DHRSX: variants seen among roughly 807,000 people sequenced by gnomAD.
DHRSX encodes the protein polyprenol dehydrogenase.
Under a neutral mutation model 34.0 loss-of-function variants are expected in DHRSX, and 31 were observed. The ratio of observed to expected loss-of-function variants is 0.91; its 90% confidence interval spans 0.69 to 1.23. The LOEUF (loss-of-function observed/expected upper bound fraction) is 1.23, where lower values mean the gene tolerates loss of function less well. Ranked by LOEUF, DHRSX falls within the 50% of genes most tolerant of loss-of-function variation. DHRSX has a pLI of 0.00. For synonymous variants in DHRSX, 201 were observed against 183.8 expected, an observed-to-expected ratio of 1.09 and a Z score of -0.76; for missense variants, 414 against 428.1, an observed-to-expected ratio of 0.97 and a Z score of 0.29.
intron 3 of DHRSX, among the ~76,000 whole-genome samples, chrX:2,378,734 G>A (rs957660489): frequency 7.3e-5 from 11 of 151,542 alleles, no homozygotes; most frequent in African/African-American, 2.4e-4. Flanking sequence ...GCAGTGGTGC[G>A]ATCTCGGCTC....
chrX:2,448,079 T>C (rs2044162700), intron 1 of DHRSX, among the ~76,000 whole-genome samples: 1 of 151,088 alleles, frequency 6.6e-6, no homozygotes, highest in Non-Finnish European at 1.5e-5. Flanking sequence ...GGCATGCACC[T>C]GTAGTCCCAG....
At chrX:2,263,150 G>T (rs1319999045) in intron 5 of DHRSX, among the ~76,000 whole-genome samples, 1 of 152,204 alleles carries the variant, frequency 6.6e-6, no homozygotes, top group African/African-American at 2.4e-5. Context: ...TGTGATCTTA[G>T]GGCTGCAGAG....
At chrX:2,243,579 C>A (rs1239279008) in intron 5 of DHRSX, among the ~76,000 whole-genome samples, 1 of 151,798 alleles carries the variant, frequency 6.6e-6, no homozygotes. Flanking sequence ...CTCCACCTGC[C>A]CGGTTCAAGT....
At chrX:2,246,162 TCAG>T (rs2016276826) in intron 5 of DHRSX, among the ~76,000 whole-genome samples, 1 of 151,980 alleles carries the variant, frequency 6.6e-6, no homozygotes, top group Non-Finnish European at 1.5e-5. Flanking sequence ...AGTTTGAATA[TCAG>T]CATGATATTT....
At chrX:2,465,655 A>AG (rs952004161) in intron 1 of DHRSX, among the ~76,000 whole-genome samples, 2 of 151,470 alleles carry the variant, frequency 1.3e-5, no homozygotes, top group Admixed American at 6.6e-5. Context: ...TACAAAAAAA[A>AG]AGAAAAATCA....
chrX:2,485,836 GGAAGGAAGGGAGAGAAA>G (rs1310934552), intron 1 of DHRSX, among the ~76,000 whole-genome samples: 5 of 87,514 alleles, frequency 5.7e-5, no homozygotes, highest in Non-Finnish European at 6.9e-5. Flanking sequence ...AGGGAGAGAA[GGAAGGAAGGGAGAGAAA>G]GAAAGAAGGG....
At chrX:2,236,891 A>G (rs1431107307) in intron 6 of DHRSX, among the ~76,000 whole-genome samples, 4 of 151,768 alleles carry the variant, frequency 2.6e-5, no homozygotes, top group Admixed American at 2.6e-4. Context: ...AATAAAAAAA[A>G]AAAAAGAAAT....
At chrX:2,330,807 GGA>G (rs2042462619) in intron 3 of DHRSX, among the ~76,000 whole-genome samples, 1 of 151,754 alleles carries the variant, frequency 6.6e-6, no homozygotes, top group African/African-American at 2.4e-5. Flanking sequence ...AGAGAATGAA[GGA>G]GAGAATAAAT....
intron 3 of DHRSX, among the ~76,000 whole-genome samples, chrX:2,399,743 C>CAAAAAAAAAAAAAAAAAAAA (rs951340315): frequency 4.6e-4 from 25 of 54,646 alleles, no homozygotes; most frequent in African/African-American, 8.6e-4. Context: ...AAAAAAAAAA[C>CAAAAAAAAAAAAAAAAAAAA]AAAAAAACAC....
At chrX:2,250,424 T>C (rs930430668) in intron 5 of DHRSX, among the ~76,000 whole-genome samples, 1 of 152,130 alleles carries the variant, frequency 6.6e-6, no homozygotes, top group African/African-American at 2.4e-5. Context: ...CGAGAGCTGC[T>C]GGTGGCCTAT....
intron 3 of DHRSX, among the ~76,000 whole-genome samples, chrX:2,322,722 T>C (rs1490917479): frequency 6.6e-6 from 1 of 151,340 alleles, no homozygotes; most frequent in Non-Finnish European, 1.5e-5. Context: ...TAGCATACTT[T>C]AATAATACAG....
At chrX:2,378,475 C>T (rs1292966233) in intron 3 of DHRSX, among the ~76,000 whole-genome samples, 8 of 151,964 alleles carry the variant, frequency 5.3e-5, no homozygotes, top group African/African-American at 1.2e-4. Context: ...GTCAAGATGA[C>T]GAGGATGAAG....
At chrX:2,456,920 G>A (rs1475251942) in intron 1 of DHRSX, among the ~76,000 whole-genome samples, 1 of 152,070 alleles carries the variant, frequency 6.6e-6, no homozygotes, top group Non-Finnish European at 1.5e-5. Flanking sequence ...GGTAGCAAGG[G>A]TGTAGGGAAA....
chrX:2,455,741 C>CAAAAAAA (rs752123891), intron 1 of DHRSX, among the ~76,000 whole-genome samples: 7 of 59,792 alleles, frequency 1.2e-4, no homozygotes, highest in African/African-American at 2.0e-4. Context: ...AACTTCGTCT[C>CAAAAAAA]AAAAAAAAAA....
chrX:2,320,292 T>A (rs1335053643), intron 3 of DHRSX, among the ~76,000 whole-genome samples: 1 of 117,682 alleles, frequency 8.5e-6, no homozygotes, highest in Non-Finnish European at 1.8e-5. Flanking sequence ...TGTGGACTTT[T>A]CTTTTCTTTT....
intron 1 of DHRSX, among the ~76,000 whole-genome samples, chrX:2,485,719 AGAAG>A (rs1172096056): frequency 3.7e-5 from 3 of 80,196 alleles, no homozygotes; most frequent in Non-Finnish European, 6.9e-5. Context: ...GGGAACGGAG[AGAAG>A]GAAGGGAGAA....
chrX:2,368,225 A>C (rs1182491549), intron 3 of DHRSX, among the ~76,000 whole-genome samples: 1 of 151,212 alleles, frequency 6.6e-6, no homozygotes, highest in Non-Finnish European at 1.5e-5. Flanking sequence ...CCTGGGCAAC[A>C]GAATAAGACT....
Position 2,274,785 on chromosome X carries a change from C to T in DHRSX, c.389-7838G>A, listed in dbSNP as rs138555184. ...CGGAGACGTTTCTAGGCAGCAAACC[C>T]ACCTGAAACGCTGATATTTACGGAA... is the stretch of plus-strand genomic sequence containing the variant. On this transcript the variant is annotated intron_variant, in intron 4 of 6. Transcript: ENST00000334651. Among the ~76,000 whole-genome samples the T allele has an allele frequency of 1.4e-3, 218 of 152,202 alleles. 3 individuals are homozygous for T. Among genetic ancestry groups the T allele is most frequent in the East Asian group, 0.014 (72 of 5,174 alleles).
At chrX:2,470,301 T>A in intron 1 of DHRSX, among the ~76,000 whole-genome samples, 1 of 151,230 alleles carries the variant, frequency 6.6e-6, no homozygotes. Context: ...GTGGCTCATG[T>A]CTGGAATCAC....
Sources: gnomAD v4.1 joint callset for allele counts (sites outside exome capture counted in the v4.1 genomes callset) on GRCh38, gnomAD v4.1.1 for gene constraint, MANE v1.5 for transcripts, NCBI Gene and HGNC (gene_info 2026-07-23, HGNC 2026-07-21) for gene names.